The following MYLK4 variants were observed in gnomAD, a reference collection of about 807,000 sequenced individuals.
The protein encoded by MYLK4 is caMLCK like.
Under a neutral mutation model 48.1 loss-of-function variants are expected in MYLK4, and 46 were observed. The observed-to-expected ratio is 0.96, with a 90% CI of 0.75 to 1.22. MYLK4 has a LOEUF of 1.22. Ranked by LOEUF, MYLK4 falls within the 50% of genes most tolerant of loss-of-function variation. The probability of loss-of-function intolerance (pLI) is 0.00; values close to 1 mark genes in which losing one functional copy is unlikely to be tolerated. For missense variants in MYLK4, 451 were observed against 486.1 expected (o/e 0.93, Z 0.68); for synonymous variants, 170 against 180.8 (o/e 0.94, Z 0.48).
intron 2 of MYLK4, among the ~76,000 whole-genome samples, chr6:2,705,288 C>T (rs1359599604): frequency 6.6e-6 from 1 of 152,228 alleles, no homozygotes; most frequent in Non-Finnish European, 1.5e-5. Flanking sequence ...AATCGTTCTA[C>T]TGAGGACTTT....
At chr6:2,682,188 A>G (rs1761333594) in intron 7 of MYLK4, among the ~76,000 whole-genome samples, 1 of 152,150 alleles carries the variant, frequency 6.6e-6, no homozygotes, top group African/African-American at 2.4e-5. Context: ...TGTTATATAG[A>G]TTGTATATTT....
intron 6 of MYLK4, among the ~76,000 whole-genome samples, chr6:2,683,374 G>T (rs1344667714): frequency 7.1e-6 from 1 of 140,788 alleles, no homozygotes. Context: ...AAATCCTCAA[G>T]CCAACTCCCC....
chr6:2,736,840 C>T (rs1763693162), intron 2 of MYLK4, among the ~76,000 whole-genome samples: 1 of 152,208 alleles, frequency 6.6e-6, no homozygotes, highest in African/African-American at 2.4e-5. Context: ...GGACAAGACA[C>T]CAAAGGAATC....
In MYLK4 at chr6:2,743,831, G is replaced by A. The variant is rs180837845; in HGVS notation, c.159+5305C>T. 51 of 397,772 alleles carry A rather than the reference G, an allele frequency of 1.3e-4. 1 individual carries two copies. In the East Asian group the frequency reaches 1.4e-3, roughly 11 times the overall value. The allele number at this position is 397,772 out of a possible 1,614,324, so 24.6% of individuals were successfully genotyped here. On this transcript the variant is annotated intron_variant, in intron 2 of 12. Transcript: ENST00000274643. Reference sequence around the variant, plus strand: ...ATGCATTCCATTTACTTTGGCAAGCGTCACTCCCAGGTTGGAAACATTCGA... The same window carrying A: ...ATGCATTCCATTTACTTTGGCAAGCATCACTCCCAGGTTGGAAACATTCGA...
intron 2 of MYLK4, among the ~76,000 whole-genome samples, chr6:2,727,357 G>C (rs963176531): frequency 6.6e-6 from 1 of 152,194 alleles, no homozygotes; most frequent in Non-Finnish European, 1.5e-5. Context: ...AGTTGGGAGA[G>C]CTGGAGGAAT....
intron 2 of MYLK4, among the ~76,000 whole-genome samples, chr6:2,737,117 A>G (rs1763707950): frequency 6.6e-6 from 1 of 152,220 alleles, no homozygotes. Flanking sequence ...GATCGAGACC[A>G]TCCTGGCCAA....
Position 2,718,148 on chromosome 6 carries a change from C to T in MYLK4, c.160-25289G>A, listed in dbSNP as rs1349957381. Reference sequence around the variant, plus strand: ...TGAGCCGAGATCACACCATTGCACTCCAGTCTGGTCAACAGAGTGAAACTC... The same window carrying T: ...TGAGCCGAGATCACACCATTGCACTTCAGTCTGGTCAACAGAGTGAAACTC... On this transcript the variant is annotated intron_variant, in intron 2 of 12. Coordinates refer to ENST00000274643, the MANE Select transcript of MYLK4 (RefSeq NM_001012418.5). 6.6e-5 allele frequency among the ~76,000 whole-genome samples: 10 copies of T among 150,778 alleles called. No individual in the cohort carries two copies. The Middle Eastern group carries it at 9.5e-3, about 143-fold the overall frequency.
chr6:2,765,532 C>T, the MYLK4 span: 62 of 1,306,444 alleles, frequency 4.7e-5, no homozygotes, highest in Admixed American at 2.6e-4. Flanking sequence ...GAGGGTCTCG[C>T]GGCGCGGGGC....
chr6:2,697,738 T>C (rs1205182683), intron 2 of MYLK4, among the ~76,000 whole-genome samples: 7 of 152,258 alleles, frequency 4.6e-5, no homozygotes, highest in Non-Finnish European at 5.9e-5. Flanking sequence ...GCTGCTCCTC[T>C]GGACCTCAAC....
chr6:2,701,879 C>T (rs564156136), intron 2 of MYLK4, among the ~76,000 whole-genome samples: 15 of 152,314 alleles, frequency 9.8e-5, no homozygotes, highest in South Asian at 8.3e-4. Context: ...AGTTAATATA[C>T]GTCATGAATT....
intron 1 of MYLK4, among the ~76,000 whole-genome samples, chr6:2,750,083 T>C (rs1464966562): frequency 6.6e-6 from 1 of 152,180 alleles, no homozygotes; most frequent in Non-Finnish European, 1.5e-5. Flanking sequence ...TACGCATGTC[T>C]ATATGTACAC....
At chr6:2,765,317 G>C in the MYLK4 span, 1 of 219,632 alleles carries the variant, frequency 4.6e-6, no homozygotes, top group African/African-American at 2.3e-5. Flanking sequence ...CGGTGATTGG[G>C]GCAAACGGCC....
At chr6:2,688,810 C>A in intron 4 of MYLK4, 41 bp downstream of exon 4, 1 of 1,532,118 alleles carries the variant, frequency 6.5e-7, no homozygotes, top group Non-Finnish European at 9.0e-7. Context: ...TGCACGCTCT[C>A]TTCTTTTGTT....
chr6:2,672,847 T>C lies in MYLK4; in HGVS notation c.1120-1499A>G, dbSNP rs1004488884. 3.2e-4 allele frequency among the ~76,000 whole-genome samples: 48 copies of C among 152,198 alleles called. No individual in the cohort carries two copies. Among genetic ancestry groups the C allele is most frequent in the African/African-American group, 1.2e-3 (48 of 41,446 alleles). On this transcript the variant is annotated intron_variant, in intron 11 of 12. Coordinates refer to ENST00000274643, the MANE Select transcript of MYLK4 (RefSeq NM_001012418.5). This position sits in a 1 kb window ranked among gnomAD's most constrained non-coding sequence, Gnocchi z 4.3. ...CGGACTCCAGAGCTCAGCCCTGTCCTGAGTGTTCTCAGCTACAGACACTAA... is the reference window on the plus strand; with the variant it reads ...CGGACTCCAGAGCTCAGCCCTGTCCCGAGTGTTCTCAGCTACAGACACTAA...
the MYLK4 span, among the ~76,000 whole-genome samples, chr6:2,769,487 A>G: frequency 6.6e-6 from 1 of 152,174 alleles, no homozygotes; most frequent in African/African-American, 2.4e-5. Context: ...TTAAATTTTT[A>G]GGCATAACTT....
chr6:2,675,013 G>A, intron 11 of MYLK4, 34 bp downstream of exon 11: 1 of 1,480,482 alleles, frequency 6.8e-7, no homozygotes, highest in Non-Finnish European at 9.5e-7. Context: ...AGGCAGACAG[G>A]AGAAAAAGAG....
rs542565394 is a variant in MYLK4 at position 2,698,084 on chromosome 6, C to G, written c.160-5225G>C. Among the ~76,000 whole-genome samples, 54 of 152,344 alleles carry G rather than the reference C, an allele frequency of 3.5e-4. No homozygotes were observed. The South Asian group carries it at 5.8e-3, about 16-fold the overall frequency. On this transcript the variant is annotated intron_variant, in intron 2 of 12. Coordinates refer to ENST00000274643, the MANE Select transcript of MYLK4 (RefSeq NM_001012418.5). ...TCAACGGCCATGCATTTTGGGATTACAGTTGCTGCAGAAAATTGTGTTCAT... is the reference window on the plus strand; with the variant it reads ...TCAACGGCCATGCATTTTGGGATTAGAGTTGCTGCAGAAAATTGTGTTCAT...
intron 8 of MYLK4, 135 bp from the exon 9 acceptor site, chr6:2,679,543 A>C: frequency 8.5e-7 from 1 of 1,173,430 alleles, no homozygotes; most frequent in African/African-American, 1.5e-5. Flanking sequence ...GAAGGAAATC[A>C]AACAATCAAG....
At chr6:2,752,392 G>T (rs1221008406), upstream of MYLK4, among the ~76,000 whole-genome samples, 4 of 149,062 alleles carry the variant, frequency 2.7e-5, no homozygotes, top group South Asian at 4.2e-4. Flanking sequence ...TTGTTGCTGG[G>T]TTTTTTTTTT....
Sources: gnomAD v4.1 joint callset for allele counts (sites outside exome capture counted in the v4.1 genomes callset) on GRCh38, gnomAD v4.1.1 for gene constraint, Gnocchi (gnomAD v3.1) non-coding constraint, MANE v1.5 for transcripts, NCBI Gene and HGNC (gene_info 2026-07-23, HGNC 2026-07-21) for gene names.